Variants in PLEKHG5 observed in about 807,000 individuals in gnomAD.
PLEKHG5 encodes pleckstrin homology and RhoGEF domain containing G5, also known as pleckstrin homology domain-containing family G member 5.
PLEKHG5 carries 52 observed loss-of-function variants against 103.8 expected under a neutral mutation model. That is an observed-to-expected ratio of 0.50 (90% CI 0.40 to 0.63). The LOEUF (loss-of-function observed/expected upper bound fraction) is 0.63, where lower values mean the gene tolerates loss of function less well. Ranked by LOEUF, PLEKHG5 falls within the 30% of genes least tolerant of loss-of-function variation. The probability of loss-of-function intolerance (pLI) is 0.00; values close to 1 mark genes in which losing one functional copy is unlikely to be tolerated. For missense variants in PLEKHG5, 1,205 were observed against 1,347.6 expected (o/e 0.89, Z 1.66); for synonymous variants, 592 against 575.5 (o/e 1.03, Z -0.41).
chr1:6,488,740 G>T (rs1170334218), intron 1 of PLEKHG5, among the ~76,000 whole-genome samples: 1 of 152,108 alleles, frequency 6.6e-6, no homozygotes, highest in Non-Finnish European at 1.5e-5. Flanking sequence ...TCAGGGGCAG[G>T]CCCAAGAAGT....
upstream of PLEKHG5, chr1:6,496,639 A>C: frequency 8.5e-7 from 1 of 1,170,286 alleles, no homozygotes; most frequent in South Asian, 1.7e-5. Context: ...CTGGCCTCCC[A>C]ACCGGAGGAG....
intron 3 of PLEKHG5, 69 bp from the exon 4 acceptor site, chr1:6,475,591 G>A (rs1389925477): frequency 2.2e-5 from 29 of 1,334,040 alleles, no homozygotes; most frequent in Non-Finnish European, 3.0e-5. Context: ...CGGCGAGTGG[G>A]CCTGTGGCCT....
chr1:6,494,963 A>C (rs1481938000), upstream of PLEKHG5, among the ~76,000 whole-genome samples: 1 of 152,186 alleles, frequency 6.6e-6, no homozygotes, highest in African/African-American at 2.4e-5. Context: ...ACCCACTCTG[A>C]GACCAGCTCT....
At chr1:6,485,477 G>T in intron 1 of PLEKHG5, 1 of 1,244,388 alleles carries the variant, frequency 8.0e-7, no homozygotes, top group African/African-American at 1.6e-5. Context: ...TGCGCCGCCC[G>T]CCGGACAAAG....
intron 1 of PLEKHG5, among the ~76,000 whole-genome samples, chr1:6,514,244 T>C (rs571420210): frequency 6.6e-6 from 1 of 151,984 alleles, no homozygotes; most frequent in African/African-American, 2.4e-5. Flanking sequence ...CTCTGGAACC[T>C]GGGAGGTTGA....
Position 6,469,375 on chromosome 1 carries a change from G to T in PLEKHG5, c.2009C>A (p.Ala670Asp), listed in dbSNP as rs1194745697. Residue 670 changes from alanine (A) to aspartate (D), a missense_variant, in exon 18 of 21, where the codon GCC (alanine) becomes GAC (aspartate). By Grantham distance (126) the Ala-to-Asp change is moderately radical. Transcript: ENST00000377728. ...GGTGTCCACCCAGCCACGGCACAAGGCCTGGCCACTGGCCTGGAACGTGTA... is the reference window on the plus strand; with the variant it reads ...GGTGTCCACCCAGCCACGGCACAAGTCCTGGCCACTGGCCTGGAACGTGTA... The part of the protein sequence containing the change: ...GAYTFQASGQ[A>D]LCRGWVDTIY... The T allele has an allele frequency of 6.2e-7, 1 of 1,614,146 alleles. No homozygotes were observed. Among genetic ancestry groups the T allele is most frequent in the Admixed American group, 1.7e-5 (1 of 60,032 alleles).
intron 1 of PLEKHG5, among the ~76,000 whole-genome samples, chr1:6,503,551 G>A (rs959636814): frequency 2.0e-5 from 3 of 152,080 alleles, no homozygotes; most frequent in African/African-American, 7.2e-5. Flanking sequence ...GGGATTACAG[G>A]TGCCTGCCAC....
intron 1 of PLEKHG5, chr1:6,485,585 C>T: frequency 2.4e-6 from 2 of 835,682 alleles, no homozygotes; most frequent in Non-Finnish European, 1.6e-6. Flanking sequence ...CCCAGCCCCC[C>T]AGGAAGGCGG....
At chr1:6,485,349 C>T (rs542357986) in intron 1 of PLEKHG5, 21 of 1,427,350 alleles carry the variant, frequency 1.5e-5, no homozygotes, top group Admixed American at 1.2e-4. Context: ...GCGGGCACGA[C>T]CCCCGGCCCA....
chr1:6,519,392 C>T lies in PLEKHG5; in HGVS notation c.-165+53G>A, dbSNP rs879101254. 2.2e-6 allele frequency: 3 copies of T among 1,394,344 alleles called. 1 individual carries two copies. 86.4% of individuals were successfully genotyped at this position (1,394,344 alleles called of 1,614,324 possible). On this transcript the variant is annotated intron_variant, in intron 1 of 21. Transcript: ENST00000377740. ...AAGACCTGCAAAGCCCCTCCTTTCA[C>T]TCTGTGTCCTCAAACCTCCTTTCTA...
chr1:6,515,513 T>A (rs918426638), intron 1 of PLEKHG5, among the ~76,000 whole-genome samples: 1 of 150,658 alleles, frequency 6.6e-6, no homozygotes, highest in Non-Finnish European at 1.5e-5. Flanking sequence ...GGTAACAGAG[T>A]GAGACACTGT....
rs912493150 is a variant in PLEKHG5, at chr1:6,475,447, T to G, written c.210+15A>C. The G allele has an allele frequency of 1.2e-6, 2 of 1,612,060 alleles. No individual in the cohort carries two copies. On this transcript the variant is annotated intron_variant, in intron 4 of 20. Coordinates refer to ENST00000377728, the MANE Select transcript of PLEKHG5 (RefSeq NM_020631.6). ...GTAGGGAACCCGCATCTGCCGGCTCTGGGGGGCTCCTCACATCCGTGTGTC... is the reference window on the plus strand; with the variant it reads ...GTAGGGAACCCGCATCTGCCGGCTCGGGGGGGCTCCTCACATCCGTGTGTC...
chr1:6,480,439 A>G (rs1644869668), intron 1 of PLEKHG5, among the ~76,000 whole-genome samples: 1 of 151,414 alleles, frequency 6.6e-6, no homozygotes, highest in African/African-American at 2.4e-5. Context: ...CTGAGGCAGG[A>G]GAATTGCTTG....
At chr1:6,511,507 C>T (rs1469100693) in intron 1 of PLEKHG5, among the ~76,000 whole-genome samples, 3 of 152,226 alleles carry the variant, frequency 2.0e-5, no homozygotes, top group East Asian at 1.9e-4. Context: ...AGGGGGCTGG[C>T]GGTCACCCAG....
intron 1 of PLEKHG5, among the ~76,000 whole-genome samples, chr1:6,480,805 T>C (rs1394285887): frequency 1.3e-5 from 2 of 151,760 alleles, no homozygotes; most frequent in Non-Finnish European, 2.9e-5. Context: ...TGTACCACCA[T>C]ACCCAGCTAA....
intron 1 of PLEKHG5, among the ~76,000 whole-genome samples, chr1:6,502,270 T>C (rs1025672531): frequency 1.3e-5 from 2 of 152,252 alleles, no homozygotes; most frequent in Admixed American, 1.3e-4. Flanking sequence ...GGAAATGTGT[T>C]TCTGATCCCC....
intron 17 of PLEKHG5, 25 bp downstream of exon 17, chr1:6,469,519 G>A: frequency 6.2e-7 from 1 of 1,613,794 alleles, no homozygotes; most frequent in Non-Finnish European, 8.5e-7. Context: ...CCCCTGACCA[G>A]GAACAGGGGA....
At chr1:6,485,724 G>A (rs182927205) in intron 1 of PLEKHG5, 412 of 230,186 alleles carry the variant, frequency 1.8e-3, no homozygotes, top group Non-Finnish European at 2.5e-3. Flanking sequence ...GCCCAGACCC[G>A]GGGACTCCAC....
intron 1 of PLEKHG5, among the ~76,000 whole-genome samples, chr1:6,519,133 C>T (rs1176398182): frequency 6.6e-6 from 1 of 152,208 alleles, no homozygotes; most frequent in Non-Finnish European, 1.5e-5. Flanking sequence ...TGAGCCACTG[C>T]GCCCAGCAAC....
Sources: gnomAD v4.1 joint callset for allele counts (sites outside exome capture counted in the v4.1 genomes callset) on GRCh38, gnomAD v4.1.1 for gene constraint, MANE v1.5 for transcripts, NCBI Gene and HGNC (gene_info 2026-07-23, HGNC 2026-07-21) for gene names.